The following ANK2 variants were observed in gnomAD, a reference collection of about 807,000 sequenced individuals.
ANK2 encodes the protein ankyrin 2, also known as ankyrin-2.
In ANK2, 83 loss-of-function variants were observed where a neutral mutation model predicts 360.5. That is an observed-to-expected ratio of 0.23 (90% CI 0.19 to 0.28). The LOEUF (loss-of-function observed/expected upper bound fraction) is 0.28. Among genes scored for constraint, ANK2 ranks in the 10% least tolerant of loss-of-function variants. The probability of loss-of-function intolerance (pLI) is 1.00; values close to 1 mark genes in which losing one functional copy is unlikely to be tolerated. For synonymous variants in ANK2, 1,740 were observed against 1,759.5 expected, an observed-to-expected ratio of 0.99 and a Z score of 0.28; for missense variants, 4,201 against 4,795.7, an observed-to-expected ratio of 0.88 and a Z score of 3.66.
At chr4:113,080,610 C>A (rs1381026761) in intron 1 of ANK2, among the ~76,000 whole-genome samples, 2 of 152,096 alleles carry the variant, frequency 1.3e-5, no homozygotes, top group African/African-American at 4.8e-5. Context: ...TATATACATT[C>A]CATTCGAGAA....
chr4:112,741,706 A>G, the ANK2 span, among the ~76,000 whole-genome samples: 1 of 152,048 alleles, frequency 6.6e-6, no homozygotes, highest in Non-Finnish European at 1.5e-5. Flanking sequence ...GTTCAGGGTA[A>G]GGTGTGGTGG....
the ANK2 span, among the ~76,000 whole-genome samples, chr4:112,778,717 TG>T: frequency 6.6e-6 from 1 of 152,208 alleles, no homozygotes; most frequent in East Asian, 1.9e-4. Context: ...GCAATAGGAT[TG>T]TTACCTAGAT....
chr4:113,095,819 T>A (rs1279179126), intron 1 of ANK2, among the ~76,000 whole-genome samples: 1 of 152,214 alleles, frequency 6.6e-6, no homozygotes, highest in African/African-American at 2.4e-5. Context: ...ACAGTTTTTG[T>A]CCATGCATGT....
At chr4:113,187,935 C>T (rs536185372) in intron 2 of ANK2, among the ~76,000 whole-genome samples, 3 of 152,238 alleles carry the variant, frequency 2.0e-5, no homozygotes, top group Non-Finnish European at 2.9e-5. Flanking sequence ...TATTGCATGC[C>T]TATTACATCC....
intron 2 of ANK2, among the ~76,000 whole-genome samples, chr4:113,175,801 A>G (rs1262528990): frequency 6.6e-6 from 1 of 152,166 alleles, no homozygotes; most frequent in African/African-American, 2.4e-5. Flanking sequence ...CTTCTTCTTC[A>G]GAGTCACTGG....
rs1215043142 is a variant in ANK2 at position 112,981,376 on chromosome 4, C to T, written c.21+76862C>T. Among the ~76,000 whole-genome samples the T allele has an allele frequency of 4.6e-5, 7 of 152,026 alleles. No individual in the cohort carries two copies. In the South Asian group the frequency reaches 6.2e-4, roughly 14 times the overall value. The stretch of plus-strand genomic sequence containing the variant: ...GAAAACTAACCAGTGGAAATACAGG[C>T]GATGAAGAGGAGGAGGAGAGAAGCG... On this transcript the variant is annotated intron_variant, in intron 2 of 30. Coordinates refer to the ANK2 transcript ENST00000503271.
intron 32 of ANK2, 34 bp downstream of exon 32, chr4:113,339,356 A>T: frequency 6.4e-7 from 1 of 1,556,572 alleles, no homozygotes; most frequent in South Asian, 1.1e-5. Context: ...GCCCACTATG[A>T]TATGTTACCC....
chr4:112,876,835 A>G (rs2075267492), intron 1 of ANK2, among the ~76,000 whole-genome samples: 1 of 152,158 alleles, frequency 6.6e-6, no homozygotes, highest in Non-Finnish European at 1.5e-5. Flanking sequence ...ATCAGATACC[A>G]CAAAGTCTAG....
intron 23 of ANK2, among the ~76,000 whole-genome samples, chr4:113,310,155 C>T (rs1156694794): frequency 6.6e-6 from 1 of 152,022 alleles, no homozygotes; most frequent in South Asian, 2.1e-4. Flanking sequence ...AATGTAGGAC[C>T]CATTTTATTA....
In ANK2 at chr4:112,911,881, TA is replaced by T. The variant is rs747878753; in HGVS notation, c.21+7369del. Among the ~76,000 whole-genome samples, 215 of 152,272 alleles carry T rather than the reference TA, an allele frequency of 1.4e-3. 2 individuals carry two copies. The highest frequency in any genetic ancestry group is 1.3e-3 in the Non-Finnish European group (91 of 68,018). ...TTAATAATTATGTCTTCTTTGTTGT[TA>T]AGAAACTGATGTGGGCCAGGCGTGG... On this transcript the variant is annotated intron_variant, in intron 2 of 30. Transcript: ENST00000503271.
chr4:113,315,809 G>A (rs528505645), intron 24 of ANK2, among the ~76,000 whole-genome samples: 45 of 148,012 alleles, frequency 3.0e-4, no homozygotes, highest in African/African-American at 7.0e-4. Context: ...TGAGGCAGGA[G>A]AATGGTGAAC....
Position 113,239,455 on chromosome 4 carries a change from G to A in ANK2, c.694-1030G>A, listed in dbSNP as rs558006969. ...CGTAGTTCATTTCAAGTAAAAGAGA[G>A]CAATACCAAGTAACCCAAAAACTGC... On this transcript the variant is annotated intron_variant, in intron 7 of 45. Coordinates refer to ENST00000357077, the MANE Select transcript of ANK2 (RefSeq NM_001148.6). Among the ~76,000 whole-genome samples, 11 of 152,188 alleles carry A rather than the reference G, an allele frequency of 7.2e-5. No homozygotes were observed. In the South Asian group the frequency reaches 2.3e-3, roughly 32 times the overall value.
At chr4:113,080,817 C>A (rs1442476530) in intron 1 of ANK2, among the ~76,000 whole-genome samples, 1 of 152,010 alleles carries the variant, frequency 6.6e-6, no homozygotes, top group African/African-American at 2.4e-5. Flanking sequence ...GACAGAAAAT[C>A]AATCGGAGTT....
At chr4:113,068,419 T>C (rs1021366857) in intron 1 of ANK2, among the ~76,000 whole-genome samples, 3 of 152,190 alleles carry the variant, frequency 2.0e-5, no homozygotes, top group Non-Finnish European at 4.4e-5. Flanking sequence ...GAATATGTTG[T>C]GAATGTCATA....
At position 113,335,828 on chromosome 4, in the gene ANK2, G is replaced by A. The variant is rs2153957400; in HGVS notation, c.3380-18G>A. ...AATCTTTGCTATGTGAATGAAGGTG[G>A]GTCATTTCTTGTCTTAGTACTGGAT... On this transcript the variant is annotated intron_variant, in intron 29 of 45. Coordinates refer to ENST00000357077, the MANE Select transcript of ANK2 (RefSeq NM_001148.6). The A allele has an allele frequency of 6.2e-7, 1 of 1,605,462 alleles. No homozygotes were observed. The highest frequency in any genetic ancestry group is 8.5e-7 in the Non-Finnish European group (1 of 1,172,254).
chr4:113,061,391 T>C (rs2073281878), intron 1 of ANK2, among the ~76,000 whole-genome samples: 1 of 152,134 alleles, frequency 6.6e-6, no homozygotes, highest in South Asian at 2.1e-4. Context: ...CAGTAATAAT[T>C]TAAATGGATG....
intron 1 of ANK2, among the ~76,000 whole-genome samples, chr4:113,097,906 A>G (rs1397458560): frequency 3.2e-5 from 4 of 126,854 alleles, no homozygotes; most frequent in African/African-American, 1.3e-4. Context: ...ACACACATAT[A>G]TATGTATATA....
At chr4:112,770,268 C>T in the ANK2 span, among the ~76,000 whole-genome samples, 3 of 152,192 alleles carry the variant, frequency 2.0e-5, no homozygotes, top group East Asian at 1.9e-4. Flanking sequence ...CCCACAACTC[C>T]GGAGATGTTT....
At chr4:112,814,210 T>C (rs2055486052), upstream of ANK2, among the ~76,000 whole-genome samples, 1 of 152,224 alleles carries the variant, frequency 6.6e-6, no homozygotes, top group African/African-American at 2.4e-5. Flanking sequence ...TTTAATTCAA[T>C]AGTTCATTTT....
Sources: allele counts gnomAD v4.1 joint callset (sites outside exome capture counted in the v4.1 genomes callset), GRCh38; gene constraint gnomAD v4.1.1; transcripts MANE v1.5; gene names NCBI Gene and HGNC (gene_info 2026-07-23, HGNC 2026-07-21).